TTC21B: variants seen among roughly 807,000 people sequenced by gnomAD.
The protein encoded by TTC21B is tetratricopeptide repeat domain 21B, also known as tetratricopeptide repeat protein 21B.
TTC21B carries 127 observed loss-of-function variants against 175.1 expected under a neutral mutation model. The ratio of observed to expected loss-of-function variants is 0.73; its 90% CI spans 0.63 to 0.84. The LOEUF (loss-of-function observed/expected upper bound fraction) is 0.84. TTC21B is among the 40% of genes least tolerant of loss of function. The pLI, the probability that TTC21B is intolerant of heterozygous loss-of-function variation, is 0.00. For synonymous variants in TTC21B, 524 were observed against 524.5 expected, an observed-to-expected ratio of 1.00 and a Z score of 0.01; for missense variants, 1,561 against 1,558.3, an observed-to-expected ratio of 1.00 and a Z score of -0.03.
intron 11 of TTC21B, among the ~76,000 whole-genome samples, chr2:165,927,058 ATCC>A (rs1686669046): frequency 1.3e-5 from 1 of 74,188 alleles, no homozygotes; most frequent in Non-Finnish European, 2.6e-5. Flanking sequence ...ATATATATAT[ATCC>A]TAGTAGATAT....
rs374933076 is a variant in TTC21B at position 165,943,238 on chromosome 2, G to C, written c.533C>G (p.Thr178Ser). 15 of 1,613,440 alleles carry C rather than the reference G, an allele frequency of 9.3e-6. No homozygotes were observed. The highest frequency in any genetic ancestry group is 1.7e-5 in the Admixed American group (1 of 60,002). ...FEEGLQDGND[T>S]FALLGKAQCL... ...ACTCACCTTACCCAGCAGAGCAAAAGTATCATTCCCATCTTGGAGTCCCTC... is the reference window on the plus strand; with the variant it reads ...ACTCACCTTACCCAGCAGAGCAAAACTATCATTCCCATCTTGGAGTCCCTC... The change falls in exon 5 of 29, where the codon ACT (threonine) becomes AGT (serine). Residue 178 changes from threonine (T) to serine (S), a missense_variant. Physicochemically the swap from Thr to Ser is moderately conservative, Grantham distance 58 (BLOSUM62 1). Transcript: ENST00000243344.
rs1435550797 is a variant in TTC21B at position 165,945,536 on chromosome 2, A to T, written c.417T>A (p.Asp139Glu). ...GAAAAATAGCTACCTGTTTACTACC[A>T]TCTGATATTTTGATCATTCTGTCAA... ...EYIDRMIKIS[D>E]GSKQGHVLKA... Residue 139 changes from aspartate to glutamate, a missense_variant, in exon 4 of 29, where the codon GAT becomes GAA. Asp to Glu is a conservative substitution (Grantham distance 45). Coordinates refer to ENST00000243344, the MANE Select transcript of TTC21B (RefSeq NM_024753.5). The T allele has an allele frequency of 6.2e-7, 1 of 1,613,426 alleles. No individual in the cohort carries two copies. Among genetic ancestry groups the T allele is most frequent in the Non-Finnish European group, 8.5e-7 (1 of 1,179,842 alleles).
At position 165,877,784 on chromosome 2, in the gene TTC21B, C is replaced by A. The variant is rs190266404; in HGVS notation, c.3806-1552G>T. ...ACACACACACACATGCACACAGGCA[C>A]ACATGGGCAGGGCCTATGGCAGAAT... On this transcript the variant is annotated intron_variant, in intron 27 of 28. Transcript: ENST00000243344. 4.8e-3 allele frequency among the ~76,000 whole-genome samples: 735 copies of A among 152,232 alleles called. 7 individuals carry two copies. The highest frequency in any genetic ancestry group is 0.017 in the African/African-American group (692 of 41,516).
chr2:165,893,177 T>C (rs1386656575), intron 22 of TTC21B, among the ~76,000 whole-genome samples: 4 of 152,180 alleles, frequency 2.6e-5, no homozygotes, highest in Admixed American at 2.6e-4. Context: ...AATAGGATTA[T>C]AATATTGACT....
chr2:165,912,858 T>C (rs1408115837), intron 16 of TTC21B, among the ~76,000 whole-genome samples: 1 of 152,220 alleles, frequency 6.6e-6, no homozygotes, highest in Non-Finnish European at 1.5e-5. Context: ...CTTGTCTATA[T>C]AAATAACAAT....
chr2:165,917,773 T>G (rs1388900572), intron 13 of TTC21B, among the ~76,000 whole-genome samples: 1 of 152,222 alleles, frequency 6.6e-6, no homozygotes, highest in Non-Finnish European at 1.5e-5. Context: ...AAATACATTC[T>G]AAGAGATTAC....
chr2:165,907,802 G>A lies in TTC21B; in HGVS notation c.2462-18C>T. ...TTCATTTACTATGAAAGAATGGAAT[G>A]TAATGCAAAAAATTATTCATCTTAA... On this transcript the variant is annotated intron_variant, in intron 18 of 28. Coordinates refer to ENST00000243344, the MANE Select transcript of TTC21B (RefSeq NM_024753.5). 6.6e-7 allele frequency: 1 copy of A among 1,503,920 alleles called. No individual in the cohort carries two copies. Among genetic ancestry groups the A allele is most frequent in the South Asian group, 1.1e-5 (1 of 88,436 alleles). The allele number at this position is 1,503,920 out of a possible 1,614,324, so 93.2% of individuals were successfully genotyped here.
At chr2:165,879,631 A>C (rs1391796237) in intron 27 of TTC21B, 1 of 152,250 alleles carries the variant, frequency 6.6e-6, no homozygotes, top group Non-Finnish European at 1.5e-5. Flanking sequence ...TATACTTATA[A>C]GAAGCCAAAT....
At chr2:165,895,490 C>T (rs1685332482) in intron 22 of TTC21B, among the ~76,000 whole-genome samples, 1 of 152,042 alleles carries the variant, frequency 6.6e-6, no homozygotes, top group Non-Finnish European at 1.5e-5. Flanking sequence ...TGGAAGAAGT[C>T]TGTTTTTTAA....
intron 12 of TTC21B, among the ~76,000 whole-genome samples, chr2:165,919,946 A>T (rs1015131991): frequency 6.6e-6 from 1 of 152,222 alleles, no homozygotes; most frequent in African/African-American, 2.4e-5. Flanking sequence ...AATATGAGTT[A>T]TAGATTTAAA....
intron 6 of TTC21B, among the ~76,000 whole-genome samples, chr2:165,936,827 G>T (rs1025430645): frequency 3.3e-5 from 5 of 152,080 alleles, no homozygotes; most frequent in Non-Finnish European, 2.9e-5. Context: ...TAAAGCAAGA[G>T]AAACTCTCAT....
At position 165,941,122 on chromosome 2, in the gene TTC21B, G is replaced by A. The variant is rs143998499; in HGVS notation, c.615C>T (p.Ile205=). 1.1e-5 allele frequency: 17 copies of A among 1,613,700 alleles called. No individual in the cohort carries two copies. Among genetic ancestry groups the A allele is most frequent in the Middle Eastern group, 1.6e-4 (1 of 6,084 alleles). Residue 205 remains isoleucine (I), a synonymous_variant, in exon 6 of 29, where the codon ATC becomes ATT. Transcript: ENST00000243344. ...CAGGAAGGAAGCTCGGAAAATTCAC[G>A]ATTATCTGGTTCACAGTCTCCAGGG... ...SGALETVNQI[I]VNFPSFLPAF...
intron 6 of TTC21B, among the ~76,000 whole-genome samples, chr2:165,937,434 T>C (rs1335783636): frequency 1.3e-5 from 2 of 152,126 alleles, no homozygotes; most frequent in African/African-American, 2.4e-5. Flanking sequence ...GTAATATAAA[T>C]GACGGACTTT....
intron 1 of TTC21B, chr2:165,949,944 T>C (rs1032083921): frequency 4.7e-6 from 2 of 426,150 alleles, no homozygotes; most frequent in Non-Finnish European, 8.2e-6. Flanking sequence ...TGTTTTCTAA[T>C]AATTTAAATT....
At chr2:165,911,557 T>C in intron 17 of TTC21B, 92 bp from the exon 18 acceptor site, 1 of 1,471,446 alleles carries the variant, frequency 6.8e-7, no homozygotes, top group South Asian at 1.2e-5. Flanking sequence ...AAAGCATTGG[T>C]ATAACTAGAA....
intron 25 of TTC21B, among the ~76,000 whole-genome samples, chr2:165,887,681 C>G (rs978124220): frequency 6.6e-6 from 1 of 151,438 alleles, no homozygotes; most frequent in Non-Finnish European, 1.5e-5. Flanking sequence ...GAGCAAAACT[C>G]CGACTCAAAA....
At chr2:165,885,748 C>T (rs1265639513) in intron 25 of TTC21B, among the ~76,000 whole-genome samples, 2 of 152,228 alleles carry the variant, frequency 1.3e-5, no homozygotes, top group Non-Finnish European at 2.9e-5. Flanking sequence ...AACTTGATTA[C>T]TCCTGAGTGA....
intron 6 of TTC21B, among the ~76,000 whole-genome samples, chr2:165,939,080 C>T (rs1687271954): frequency 1.3e-5 from 2 of 151,890 alleles, no homozygotes; most frequent in South Asian, 2.1e-4. Flanking sequence ...TGCTTCAAAA[C>T]GAAAATTAAA....
chr2:165,884,068 C>A, intron 25 of TTC21B, 50 bp from the exon 26 acceptor site: 1 of 1,438,784 alleles, frequency 7.0e-7, no homozygotes, highest in Non-Finnish European at 9.8e-7. Flanking sequence ...CATAAATGCC[C>A]CAAAAACATA....
Sources: allele counts gnomAD v4.1 joint callset (sites outside exome capture counted in the v4.1 genomes callset), GRCh38; gene constraint gnomAD v4.1.1; transcripts MANE v1.5; gene names NCBI Gene and HGNC (gene_info 2026-07-23, HGNC 2026-07-21).